ROR1: variants seen among roughly 807,000 people sequenced by gnomAD.
The protein encoded by ROR1 is ROR family WNT receptor 1.
ROR1 carries 19 observed loss-of-function variants against 78.8 expected under a neutral mutation model. The ratio of observed to expected loss-of-function variants is 0.24; its 90% CI spans 0.17 to 0.35. The LOEUF is 0.35. ROR1 is among the 10% of genes least tolerant of loss of function. The pLI, the probability that ROR1 is intolerant of heterozygous loss-of-function variation, is 1.00. For missense variants in ROR1, 917 were observed against 1,177.8 expected (o/e 0.78, Z 3.24); for synonymous variants, 386 against 433.6 (o/e 0.89, Z 1.36).
intron 4 of ROR1, among the ~76,000 whole-genome samples, chr1:64,111,573 G>C (rs745773596): frequency 6.6e-6 from 1 of 152,202 alleles, no homozygotes; most frequent in East Asian, 1.9e-4. Context: ...CTTCAAGCCA[G>C]TGATGTTTGC....
chr1:64,014,152 C>G (rs1190485652), intron 2 of ROR1, among the ~76,000 whole-genome samples: 1 of 152,162 alleles, frequency 6.6e-6, no homozygotes, highest in Non-Finnish European at 1.5e-5. Context: ...GGGGCAAGTT[C>G]CCTCACGTGG....
At chr1:63,791,469 G>GTGC (rs1431997569) in intron 1 of ROR1, among the ~76,000 whole-genome samples, 1 of 152,086 alleles carries the variant, frequency 6.6e-6, no homozygotes, top group East Asian at 1.9e-4. Context: ...TCACAAAATT[G>GTGC]TGCTGCCTGT....
intron 4 of ROR1, among the ~76,000 whole-genome samples, chr1:64,116,369 A>G (rs1294038030): frequency 6.6e-6 from 1 of 152,222 alleles, no homozygotes; most frequent in Non-Finnish European, 1.5e-5. Context: ...TGTTAGATAT[A>G]AAGGAGGTTT....
intron 4 of ROR1, among the ~76,000 whole-genome samples, chr1:64,073,646 T>G (rs1647025178): frequency 6.6e-6 from 1 of 152,214 alleles, no homozygotes; most frequent in Non-Finnish European, 1.5e-5. Context: ...CATGCAATGT[T>G]TCTTCAGAGA....
intron 1 of ROR1, among the ~76,000 whole-genome samples, chr1:63,820,294 T>G (rs893611768): frequency 1.3e-5 from 2 of 152,146 alleles, no homozygotes; most frequent in Admixed American, 1.3e-4. Context: ...TGGCTGCATT[T>G]TCTACACACT....
At position 64,067,710 on chromosome 1, in the gene ROR1, C is replaced by CTTTTTTTTTTTTTTTTT. The variant is rs986756579; in HGVS notation, c.482+16998_482+17014dup. Among the ~76,000 whole-genome samples, 66 of 105,640 alleles carry CTTTTTTTTTTTTTTTTT rather than the reference C, an allele frequency of 6.2e-4. 4 individuals are homozygous for CTTTTTTTTTTTTTTTTT. Among genetic ancestry groups the CTTTTTTTTTTTTTTTTT allele is most frequent in the African/African-American group, 1.7e-3 (39 of 23,496 alleles). 69.3% of individuals were successfully genotyped at this position (105,640 alleles called of 152,430 possible). A position where few individuals can be genotyped will look rare whatever the true frequency, so the allele number is the denominator to read the frequency against. On this transcript the variant is annotated intron_variant, in intron 4 of 8. Transcript: ENST00000371079. The stretch of plus-strand genomic sequence containing the variant: ...TATTTCTATCCAAGTTAAATAAATT[C>CTTTTTTTTTTTTTTTTT]TTTTTTTTTTTTTTTTTTTTGAGAC...
chr1:64,156,493 G>A (rs964741441), intron 7 of ROR1, among the ~76,000 whole-genome samples: 2 of 152,110 alleles, frequency 1.3e-5, no homozygotes, highest in African/African-American at 4.8e-5. Flanking sequence ...CGGATCACGA[G>A]GTCAAGAGAT....
At chr1:64,073,425 C>T (rs916573931) in intron 4 of ROR1, among the ~76,000 whole-genome samples, 27 of 152,284 alleles carry the variant, frequency 1.8e-4, no homozygotes, top group Admixed American at 1.5e-3. Context: ...AGTGGAAATT[C>T]GCAGCCAGTA....
At chr1:64,042,539 G>A in intron 2 of ROR1, among the ~76,000 whole-genome samples, 1 of 152,172 alleles carries the variant, frequency 6.6e-6, no homozygotes, top group South Asian at 2.1e-4. Context: ...TGAGAACTAA[G>A]ATCCAGCAGG....
intron 7 of ROR1, among the ~76,000 whole-genome samples, chr1:64,151,893 A>AAAAAC (rs1057312261): frequency 3.3e-5 from 5 of 151,668 alleles, no homozygotes; most frequent in South Asian, 2.1e-4. Context: ...AAAAAAAAAA[A>AAAAAC]AAAGTTCAGT....
chr1:63,785,211 C>T (rs535502382), intron 1 of ROR1, among the ~76,000 whole-genome samples: 353 of 152,334 alleles, frequency 2.3e-3, no homozygotes, highest in Non-Finnish European at 3.4e-3. Context: ...TAGGATTTCA[C>T]TCCAACTGGG....
At chr1:64,137,221 G>A (rs1649143491) in intron 4 of ROR1, 148 bp from the exon 5 acceptor site, 6 of 709,342 alleles carry the variant, frequency 8.5e-6, no homozygotes, top group Non-Finnish European at 1.3e-5. Flanking sequence ...TAAGAACTGA[G>A]CAAAAGCCCA....
chr1:63,899,565 G>T (rs1037427609), intron 1 of ROR1, among the ~76,000 whole-genome samples: 1 of 152,058 alleles, frequency 6.6e-6, no homozygotes, highest in Non-Finnish European at 1.5e-5. Context: ...CGAGCCTTAA[G>T]CCCAAGCCTC....
intron 1 of ROR1, among the ~76,000 whole-genome samples, chr1:63,929,092 A>G (rs1036635721): frequency 1.3e-5 from 2 of 152,208 alleles, no homozygotes; most frequent in African/African-American, 4.8e-5. Context: ...CCTCAGGGAT[A>G]TGGGGCTTCC....
intron 7 of ROR1, among the ~76,000 whole-genome samples, chr1:64,155,602 C>T (rs939132385): frequency 1.3e-5 from 2 of 152,128 alleles, no homozygotes; most frequent in African/African-American, 2.4e-5. Context: ...CCCAGACCCT[C>T]GTTTACAATA....
chr1:63,993,411 C>T (rs1451795770), intron 1 of ROR1, among the ~76,000 whole-genome samples: 3 of 152,120 alleles, frequency 2.0e-5, no homozygotes, highest in Admixed American at 6.5e-5. Context: ...CCTGCTTGCC[C>T]CTGACTTGAA....
At chr1:64,019,669 A>G (rs1349277550) in intron 2 of ROR1, among the ~76,000 whole-genome samples, 1 of 152,196 alleles carries the variant, frequency 6.6e-6, no homozygotes, top group Non-Finnish European at 1.5e-5. Context: ...ATATGCCAAG[A>G]ACCATGTTAA....
intron 1 of ROR1, among the ~76,000 whole-genome samples, chr1:63,829,467 A>G (rs1644973498): frequency 6.6e-6 from 1 of 152,116 alleles, no homozygotes; most frequent in Non-Finnish European, 1.5e-5. Context: ...TGGGGACAGG[A>G]CCCTGGAAGG....
intron 4 of ROR1, among the ~76,000 whole-genome samples, chr1:64,060,238 T>A (rs1646906663): frequency 6.6e-6 from 1 of 152,236 alleles, no homozygotes; most frequent in Admixed American, 6.5e-5. Context: ...GCATATATAG[T>A]AGCTAGCACT....
Sources: allele counts gnomAD v4.1 joint callset (sites outside exome capture counted in the v4.1 genomes callset), GRCh38; gene constraint gnomAD v4.1.1; transcripts MANE v1.5; gene names NCBI Gene and HGNC (gene_info 2026-07-23, HGNC 2026-07-21).